The following CA10 variants were observed in gnomAD, a reference collection of about 807,000 sequenced individuals.
CA10 encodes the protein carbonic anhydrase 10 (inactive), also known as carbonic anhydrase-related protein 10.
Under a neutral mutation model 44.2 loss-of-function variants are expected in CA10, and 14 were observed. The ratio of observed to expected loss-of-function variants is 0.32; its 90% CI spans 0.21 to 0.50. The LOEUF (loss-of-function observed/expected upper bound fraction) is 0.50. Among genes scored for constraint, CA10 ranks in the 20% least tolerant of loss-of-function variants. CA10 has a pLI of 0.99. For synonymous variants in CA10, 159 were observed against 141.6 expected (o/e 1.12, Z -0.87); for missense variants, 350 against 409.7 (o/e 0.85, Z 1.26).
intron 2 of CA10, among the ~76,000 whole-genome samples, chr17:52,060,705 T>G (rs372257796): frequency 1.2e-4 from 19 of 152,332 alleles, no homozygotes; most frequent in African/African-American, 4.6e-4. Context: ...TAGCCTTTTA[T>G]TTTTGCCTGT....
chr17:51,644,932 GGAATT>G (rs1913257594), intron 6 of CA10, among the ~76,000 whole-genome samples: 1 of 151,444 alleles, frequency 6.6e-6, no homozygotes, highest in Non-Finnish European at 1.5e-5. Context: ...CCAAGTAGCT[GGAATT>G]ACAGGCGCGC....
intron 1 of CA10, among the ~76,000 whole-genome samples, chr17:52,113,322 C>T (rs1988825736): frequency 6.6e-6 from 1 of 152,166 alleles, no homozygotes; most frequent in African/African-American, 2.4e-5. Flanking sequence ...GATTACACTT[C>T]TTTCTCTCTC....
At chr17:51,693,074 T>C (rs2519752) in intron 4 of CA10, among the ~76,000 whole-genome samples, 1 of 152,216 alleles carries the variant, frequency 6.6e-6, no homozygotes, top group Non-Finnish European at 1.5e-5. Flanking sequence ...TTACTAGTTA[T>C]AGCCAATTTG....
intron 3 of CA10, among the ~76,000 whole-genome samples, chr17:51,832,896 C>G (rs1908334444): frequency 6.6e-6 from 1 of 152,144 alleles, no homozygotes; most frequent in Non-Finnish European, 1.5e-5. Flanking sequence ...GGTAATCAAG[C>G]AGCACATCAC....
chr17:51,872,931 T>C (rs936428927), intron 3 of CA10, among the ~76,000 whole-genome samples: 1 of 152,222 alleles, frequency 6.6e-6, no homozygotes, highest in African/African-American at 2.4e-5. Context: ...GATTACCATC[T>C]TACTCCATAT....
intron 2 of CA10, among the ~76,000 whole-genome samples, chr17:51,974,247 G>C (rs1351083021): frequency 2.6e-5 from 4 of 151,926 alleles, no homozygotes; most frequent in African/African-American, 9.7e-5. Context: ...AACTGGGCAT[G>C]GTGGTGGGAG....
intron 4 of CA10, among the ~76,000 whole-genome samples, chr17:51,663,134 T>C (rs1311447165): frequency 6.6e-6 from 1 of 152,002 alleles, no homozygotes; most frequent in Non-Finnish European, 1.5e-5. Context: ...CTTGGCAGGG[T>C]ATAAGTAAAC....
chr17:52,027,765 G>T (rs1357469840), intron 2 of CA10, among the ~76,000 whole-genome samples: 1 of 152,080 alleles, frequency 6.6e-6, no homozygotes, highest in African/African-American at 2.4e-5. Flanking sequence ...CAGAAGTGAG[G>T]CAGATACAAT....
intron 2 of CA10, among the ~76,000 whole-genome samples, chr17:52,064,600 C>T (rs1049173705): frequency 6.6e-6 from 1 of 151,074 alleles, no homozygotes; most frequent in Non-Finnish European, 1.5e-5. Flanking sequence ...TTTTGATAAA[C>T]AATTAGACAT....
At chr17:51,930,963 T>C (rs1982632895) in intron 3 of CA10, 27 bp downstream of exon 3, 1 of 1,611,242 alleles carries the variant, frequency 6.2e-7, no homozygotes, top group African/African-American at 1.3e-5. Flanking sequence ...TCTTCAACTT[T>C]ACCATGGAAG....
intron 1 of CA10, among the ~76,000 whole-genome samples, chr17:52,100,764 C>A (rs1331469784): frequency 6.6e-6 from 1 of 152,128 alleles, no homozygotes; most frequent in Admixed American, 6.5e-5. Context: ...AAATATATCA[C>A]CCCCATCAAG....
At chr17:51,709,884 G>A (rs1915878772) in intron 4 of CA10, among the ~76,000 whole-genome samples, 1 of 152,212 alleles carries the variant, frequency 6.6e-6, no homozygotes, top group Admixed American at 6.5e-5. Context: ...CAGTGGCATT[G>A]TCTTGTGAGG....
At chr17:51,647,333 C>T (rs1913381039) in intron 6 of CA10, among the ~76,000 whole-genome samples, 1 of 152,206 alleles carries the variant, frequency 6.6e-6, no homozygotes, top group African/African-American at 2.4e-5. Context: ...GACAGAGTTC[C>T]TCCCTCTGAA....
intron 2 of CA10, among the ~76,000 whole-genome samples, chr17:52,022,102 T>C (rs1304612): frequency 0.98 from 149,179 of 152,174 alleles, 73,178 homozygotes; most frequent in Non-Finnish European, 1. Context: ...CTAATTCATT[T>C]GATGAAATCA....
intron 3 of CA10, among the ~76,000 whole-genome samples, chr17:51,790,601 T>G (rs961748673): frequency 6.6e-6 from 1 of 152,166 alleles, no homozygotes; most frequent in African/African-American, 2.4e-5. Context: ...TGTGAGTACC[T>G]TGAGGGCAGA....
intron 2 of CA10, among the ~76,000 whole-genome samples, chr17:52,029,986 T>C (rs1296308827): frequency 6.6e-6 from 1 of 152,206 alleles, no homozygotes; most frequent in Admixed American, 6.5e-5. Flanking sequence ...AGTGAGGGCA[T>C]CTGTTCATTT....
chr17:52,039,205 T>A (rs1226918592), intron 2 of CA10, among the ~76,000 whole-genome samples: 1 of 152,150 alleles, frequency 6.6e-6, no homozygotes, highest in East Asian at 1.9e-4. Context: ...ATTAGACAAA[T>A]TTCTCTCTGA....
chr17:52,158,553 G>A lies in CA10; in HGVS notation c.-767C>T, dbSNP rs1036971595. On this transcript the variant is annotated 5_prime_UTR_variant, in exon 1 of 9. Coordinates refer to ENST00000451037, the MANE Select transcript of CA10 (RefSeq NM_020178.5). The stretch of plus-strand genomic sequence containing the variant: ...AGTGCGTCCAGGGCGCCGAGGGGAA[G>A]GGCTGGGCCCCGGGGACTGGGGCGC... 6.5e-6 allele frequency: 1 copy of A among 153,570 alleles called. No homozygotes were observed. The highest frequency in any genetic ancestry group is 1.9e-4 in the East Asian group (1 of 5,186). 9.5% of individuals were successfully genotyped at this position (153,570 alleles called of 1,614,324 possible).
At chr17:51,691,308 A>G (rs1915184732) in intron 4 of CA10, among the ~76,000 whole-genome samples, 1 of 152,020 alleles carries the variant, frequency 6.6e-6, no homozygotes, top group African/African-American at 2.4e-5. Context: ...TGTGATTTTC[A>G]TTTGCATTTG....
Sources: gnomAD v4.1 joint callset for allele counts (sites outside exome capture counted in the v4.1 genomes callset) on GRCh38, gnomAD v4.1.1 for gene constraint, MANE v1.5 for transcripts, NCBI Gene and HGNC (gene_info 2026-07-23, HGNC 2026-07-21) for gene names.